CCNH: variants seen among roughly 807,000 people sequenced by gnomAD.
The protein encoded by CCNH is cyclin-H.
In CCNH, 31 loss-of-function variants were observed where a neutral mutation model predicts 41.9. The ratio of observed to expected loss-of-function variants is 0.74; its 90% CI spans 0.56 to 1.00. The LOEUF is 1.00. Ranked by LOEUF, CCNH falls within the 50% of genes least tolerant of loss-of-function variation. The pLI, the probability that CCNH is intolerant of heterozygous loss-of-function variation, is 0.00. For synonymous variants in CCNH, 138 were observed against 136.1 expected, an observed-to-expected ratio of 1.01 and a Z score of -0.10; for missense variants, 362 against 388.4, an observed-to-expected ratio of 0.93 and a Z score of 0.57.
At chr5:87,323,117 T>C (rs985152648) in intron 9 of CCNH, among the ~76,000 whole-genome samples, 2 of 152,190 alleles carry the variant, frequency 1.3e-5, no homozygotes, top group African/African-American at 2.4e-5. Flanking sequence ...GATATTTCCA[T>C]GACTGTGAAT....
chr5:87,377,148 A>G, exon 1 of CCNH: 1 of 1,388,016 alleles, frequency 7.2e-7, no homozygotes, highest in Non-Finnish European at 1.0e-6. Context: ...TTATATTGCA[A>G]AATAAGTTAT....
chr5:87,409,721 C>T (rs1764083187), intron 2 of CCNH, among the ~76,000 whole-genome samples: 1 of 151,482 alleles, frequency 6.6e-6, no homozygotes, highest in Non-Finnish European at 1.5e-5. Context: ...AAGAAAAATA[C>T]AAACGTTCAC....
At chr5:87,352,132 A>G (rs1244282238) in intron 9 of CCNH, among the ~76,000 whole-genome samples, 1 of 151,622 alleles carries the variant, frequency 6.6e-6, no homozygotes, top group Non-Finnish European at 1.5e-5. Flanking sequence ...GCTTTTATTT[A>G]TCTCATTTTC....
chr5:87,362,628 C>T (rs2112457037), intron 9 of CCNH: 1 of 1,601,582 alleles, frequency 6.2e-7, no homozygotes, highest in Non-Finnish European at 8.6e-7. Context: ...CAAAGGATGC[C>T]TTTTATAAAA....
chr5:87,378,098 T>G (rs1000125560), upstream of CCNH, among the ~76,000 whole-genome samples: 15 of 152,232 alleles, frequency 9.9e-5, no homozygotes, highest in African/African-American at 3.4e-4. Flanking sequence ...ATTTTATCAT[T>G]AGCTGTCTAA....
At chr5:87,368,722 T>C (rs1760710836) in intron 9 of CCNH, among the ~76,000 whole-genome samples, 1 of 152,182 alleles carries the variant, frequency 6.6e-6, no homozygotes, top group South Asian at 2.1e-4. Flanking sequence ...TTTAGCCTTT[T>C]AGGAACTATT....
downstream of CCNH, chr5:87,390,717 C>A (rs145007526): frequency 9.0e-7 from 1 of 1,111,428 alleles, no homozygotes; most frequent in Non-Finnish European, 1.4e-6. Context: ...TGCTTTGATA[C>A]AGTTTTTTTC....
downstream of CCNH, chr5:87,374,255 C>T: frequency 6.2e-7 from 1 of 1,602,292 alleles, no homozygotes; most frequent in Non-Finnish European, 8.5e-7. Context: ...TGAATAGTGT[C>T]CAAGTAGCAA....
At chr5:87,384,677 ATAATTAAGTTCCAGAGCT>A (rs1561329221) in intron 9 of CCNH, among the ~76,000 whole-genome samples, 1 of 152,142 alleles carries the variant, frequency 6.6e-6, no homozygotes, top group African/African-American at 2.4e-5. Flanking sequence ...TTACTGTTAA[ATAATTAAGTTCCAGAGCT>A]TATATTTAAT....
chr5:87,374,814 A>T, downstream of CCNH: 1 of 1,607,732 alleles, frequency 6.2e-7, no homozygotes, highest in Non-Finnish European at 8.5e-7. Context: ...ACATTTTGTT[A>T]ATTCTTTTTC....
At chr5:87,360,750 A>G (rs749787035) in intron 9 of CCNH, among the ~76,000 whole-genome samples, 8 of 152,310 alleles carry the variant, frequency 5.3e-5, no homozygotes, top group Non-Finnish European at 1.0e-4. Flanking sequence ...CAAGTATATC[A>G]TCATCTGAAA....
chr5:87,322,420 GT>G (rs1442812530), intron 9 of CCNH, among the ~76,000 whole-genome samples: 6 of 152,302 alleles, frequency 3.9e-5, no homozygotes, highest in South Asian at 4.1e-4. Context: ...AGCTGAAACA[GT>G]TTCATCCTGA....
At chr5:87,355,339 T>C (rs566563845) in intron 9 of CCNH, among the ~76,000 whole-genome samples, 1 of 152,210 alleles carries the variant, frequency 6.6e-6, no homozygotes, top group African/African-American at 2.4e-5. Context: ...TATCGTTGAC[T>C]ATTCTGAAAA....
At chr5:87,344,542 T>TG (rs1430608696) in intron 9 of CCNH, among the ~76,000 whole-genome samples, 28 of 152,004 alleles carry the variant, frequency 1.8e-4, no homozygotes, top group African/African-American at 6.8e-4. Context: ...GATAGGTTCT[T>TG]GCCATTGCCC....
downstream of CCNH, chr5:87,391,043 A>G (rs1762476616): frequency 1.3e-6 from 1 of 748,526 alleles, no homozygotes; most frequent in Non-Finnish European, 2.4e-6. Context: ...GCTGGTGAAT[A>G]ACTATGCCAG....
chr5:87,322,027 A>G (rs1756854770), intron 9 of CCNH, among the ~76,000 whole-genome samples: 1 of 152,084 alleles, frequency 6.6e-6, no homozygotes, highest in African/African-American at 2.4e-5. Flanking sequence ...TCCCCTCCAA[A>G]TCTCGTATTT....
chr5:87,350,614 T>C (rs1462230765), intron 9 of CCNH, among the ~76,000 whole-genome samples: 1 of 151,630 alleles, frequency 6.6e-6, no homozygotes, highest in Non-Finnish European at 1.5e-5. Flanking sequence ...CATGTAAAGG[T>C]AGTCGCTTTT....
chr5:87,391,884 T>C (rs536593719), downstream of CCNH: 75 of 230,454 alleles, frequency 3.3e-4, no homozygotes, highest in African/African-American at 1.5e-3. Context: ...TTCACAAAGG[T>C]TAAGTTAAAA....
intron 9 of CCNH, among the ~76,000 whole-genome samples, chr5:87,357,180 C>T (rs970064980): frequency 7.9e-5 from 12 of 151,314 alleles, no homozygotes; most frequent in African/African-American, 2.2e-4. Context: ...TTTTTATTAC[C>T]GCAGAGTAAT....
Sources: gnomAD v4.1 joint callset for allele counts (sites outside exome capture counted in the v4.1 genomes callset) on GRCh38, gnomAD v4.1.1 for gene constraint, MANE v1.5 for transcripts, NCBI Gene and HGNC (gene_info 2026-07-23, HGNC 2026-07-21) for gene names.